Variants in PCDH11Y observed in about 807,000 individuals in gnomAD.
PCDH11Y encodes the protein protocadherin-11 Y-linked.
For missense variants in PCDH11Y, 12 were observed against 224.8 expected (o/e 0.05, Z 6.05); for synonymous variants, 9 against 83.6 (o/e 0.11, Z 4.87).
At chrY:5,131,876 A>G in intron 2 of PCDH11Y, among the ~76,000 whole-genome samples, 4 of 33,613 alleles carry the variant, frequency 1.2e-4, no homozygotes, top group African/African-American at 4.6e-4. Context: ...TATAATGCAC[A>G]AATCAAAATT....
chrY:5,373,126 C>CCTTT (rs1556030828), intron 2 of PCDH11Y, among the ~76,000 whole-genome samples: 17 of 860 alleles, frequency 0.02, no homozygotes, highest in Non-Finnish European at 0.026. Context: ...CTCCCTCCCT[C>CCTTT]CTTTCTTTCT....
intron 3 of PCDH11Y, among the ~76,000 whole-genome samples, chrY:5,042,412 A>T: frequency 5.5e-5 from 1 of 18,174 alleles, no homozygotes; most frequent in Non-Finnish European, 1.2e-4. Flanking sequence ...CAAAGATCAG[A>T]TAGTTGTAGA....
At chrY:5,414,448 C>T (rs372096127) in intron 2 of PCDH11Y, among the ~76,000 whole-genome samples, 3 of 30,714 alleles carry the variant, frequency 9.8e-5, no homozygotes, top group South Asian at 1.5e-3. Context: ...CACTGTGGTC[C>T]GAGAGTGTGG....
chrY:5,461,399 A>C (rs2573755), intron 2 of PCDH11Y, among the ~76,000 whole-genome samples: 1 of 33,375 alleles, frequency 3.0e-5, no homozygotes, highest in Admixed American at 2.8e-4. Flanking sequence ...TAAGTAATTT[A>C]AGAAATTATA....
chrY:5,660,327 T>A (rs2124707121), intron 4 of PCDH11Y, among the ~76,000 whole-genome samples: 3 of 30,953 alleles, frequency 9.7e-5, no homozygotes, highest in African/African-American at 3.8e-4. Flanking sequence ...GCCTAGCGCT[T>A]GGAGTTGTCC....
At chrY:5,687,369 C>T (rs2053564167) in intron 4 of PCDH11Y, among the ~76,000 whole-genome samples, 1 of 31,196 alleles carries the variant, frequency 3.2e-5, no homozygotes, top group Non-Finnish European at 7.7e-5. Flanking sequence ...TTTGGGAGGC[C>T]GAGGCGGGCA....
At chrY:5,334,587 A>T in intron 2 of PCDH11Y, among the ~76,000 whole-genome samples, 1 of 34,116 alleles carries the variant, frequency 2.9e-5, no homozygotes, top group Non-Finnish European at 7.3e-5. Flanking sequence ...TGAAATAGCT[A>T]CTTTTATAGA....
intron 4 of PCDH11Y, among the ~76,000 whole-genome samples, chrY:5,593,836 A>G: frequency 3.1e-5 from 1 of 32,073 alleles, no homozygotes; most frequent in African/African-American, 1.2e-4. Context: ...GGAGACTGGT[A>G]TTGGGCCCTG....
intron 2 of PCDH11Y, among the ~76,000 whole-genome samples, chrY:5,351,295 A>AGTGTGTGTGT (rs756307805): frequency 4.6e-5 from 1 of 21,949 alleles, no homozygotes; most frequent in African/African-American, 1.7e-4. Flanking sequence ...ATATGTGGGG[A>AGTGTGTGTGT]GTGTGTGTGT....
intron 2 of PCDH11Y, among the ~76,000 whole-genome samples, chrY:5,206,591 A>G: frequency 3.2e-5 from 1 of 31,690 alleles, no homozygotes; most frequent in Non-Finnish European, 7.6e-5. Context: ...AGTTCCTGGA[A>G]GCTATTTCAT....
chrY:5,333,350 A>G, intron 2 of PCDH11Y, among the ~76,000 whole-genome samples: 1 of 33,655 alleles, frequency 3.0e-5, no homozygotes, highest in Non-Finnish European at 7.3e-5. Context: ...ACCTAATATT[A>G]ACCTAAATTA....
intron 3 of PCDH11Y, among the ~76,000 whole-genome samples, chrY:5,505,711 C>T: frequency 3.1e-5 from 1 of 32,716 alleles, no homozygotes; most frequent in Non-Finnish European, 7.7e-5. Context: ...GCTTAGCACT[C>T]AAATACACTA....
chrY:5,737,371 T>C, exon 5 of PCDH11Y: 1 of 396,267 alleles, frequency 2.5e-6, no homozygotes. Context: ...CCGGCATCTC[T>C]GGATCATTCC....
At chrY:5,048,552 C>T (rs2124626504) in intron 3 of PCDH11Y, among the ~76,000 whole-genome samples, 1 of 33,220 alleles carries the variant, frequency 3.0e-5, no homozygotes, top group Admixed American at 2.7e-4. Flanking sequence ...TCTGCAACCT[C>T]GCCAGCATAT....
intron 3 of PCDH11Y, among the ~76,000 whole-genome samples, chrY:5,561,699 T>C: frequency 5.7e-5 from 1 of 17,497 alleles, no homozygotes; most frequent in Non-Finnish European, 1.3e-4. Flanking sequence ...CCCCCTGCCA[T>C]GTAGAACTGT....
At chrY:5,328,854 A>T in intron 2 of PCDH11Y, among the ~76,000 whole-genome samples, 1 of 31,394 alleles carries the variant, frequency 3.2e-5, no homozygotes, top group African/African-American at 1.3e-4. Context: ...GGGTCTGTAG[A>T]AAAGGAAGAT....
intron 2 of PCDH11Y, among the ~76,000 whole-genome samples, chrY:5,311,474 GATATATATAT>G (rs752106921): frequency 7.0e-5 from 1 of 14,278 alleles, no homozygotes; most frequent in Non-Finnish European, 1.4e-4. Flanking sequence ...AAAGAGAAAA[GATATATATAT>G]ATATATATAT....
At chrY:5,166,959 C>T in intron 2 of PCDH11Y, among the ~76,000 whole-genome samples, 1 of 32,304 alleles carries the variant, frequency 3.1e-5, no homozygotes, top group African/African-American at 1.2e-4. Context: ...TATATTTTAC[C>T]ATATTAAGAA....
chrY:5,454,885 C>T, intron 2 of PCDH11Y, among the ~76,000 whole-genome samples: 1 of 33,633 alleles, frequency 3.0e-5, no homozygotes, highest in Non-Finnish European at 7.4e-5. Context: ...GAAATGCCTC[C>T]GAGGCCTTTT....
Sources: gnomAD v4.1 joint callset for allele counts (sites outside exome capture counted in the v4.1 genomes callset) on GRCh38, gnomAD v4.1.1 for gene constraint, MANE v1.5 for transcripts, NCBI Gene and HGNC (gene_info 2026-07-23, HGNC 2026-07-21) for gene names.